Variants in FAM234B observed in about 807,000 individuals in gnomAD.
The protein encoded by FAM234B is family with sequence similarity 234 member B.
A neutral mutation model predicts 69.3 loss-of-function variants in FAM234B; 33 were observed. The ratio of observed to expected loss-of-function variants is 0.48; its 90% CI spans 0.36 to 0.64. The LOEUF (loss-of-function observed/expected upper bound fraction) is 0.64, where lower values mean the gene tolerates loss of function less well. FAM234B is among the 30% of genes least tolerant of loss of function. The pLI is 0.00. For missense variants in FAM234B, 697 were observed against 769.7 expected, an observed-to-expected ratio of 0.91 and a Z score of 1.12; for synonymous variants, 306 against 306.9, an observed-to-expected ratio of 1.00 and a Z score of 0.03.
intron 9 of FAM234B, among the ~76,000 whole-genome samples, chr12:13,070,070 A>C (rs1037396166): frequency 6.6e-6 from 1 of 151,832 alleles, no homozygotes; most frequent in Admixed American, 6.6e-5. Flanking sequence ...AATCTTGCCT[A>C]GCTGCAGTTT....
At chr12:13,060,630 A>G (rs933198231) in intron 3 of FAM234B, among the ~76,000 whole-genome samples, 4 of 152,200 alleles carry the variant, frequency 2.6e-5, no homozygotes, top group African/African-American at 9.6e-5. Context: ...ACAGCCAGCC[A>G]TTGTTTGTCA....
chr12:13,066,979 G>A (rs1187032714), intron 6 of FAM234B, 176 bp from the exon 7 acceptor site: 4 of 914,042 alleles, frequency 4.4e-6, no homozygotes, highest in African/African-American at 1.7e-5. Context: ...CTCCTCTGAA[G>A]GGAAGACTCT....
At chr12:13,047,107 A>T (rs559841899) in intron 1 of FAM234B, among the ~76,000 whole-genome samples, 3 of 152,318 alleles carry the variant, frequency 2.0e-5, no homozygotes, top group African/African-American at 7.2e-5. Flanking sequence ...TTGATGTAAT[A>T]GTGAGCTATT....
At chr12:13,066,888 C>T (rs1865045113) in intron 6 of FAM234B, 101 bp downstream of exon 6, 1 of 1,332,684 alleles carries the variant, frequency 7.5e-7, no homozygotes. Flanking sequence ...CTGACACCAG[C>T]CTTCCCATAG....
At chr12:13,064,329 T>C (rs761424025) in intron 5 of FAM234B, among the ~76,000 whole-genome samples, 3 of 152,232 alleles carry the variant, frequency 2.0e-5, no homozygotes, top group Non-Finnish European at 4.4e-5. Context: ...CTAGGGAAAA[T>C]TTGAATTATT....
intron 1 of FAM234B, among the ~76,000 whole-genome samples, chr12:13,045,981 T>C (rs967378231): frequency 6.6e-6 from 1 of 152,176 alleles, no homozygotes; most frequent in African/African-American, 2.4e-5. Flanking sequence ...TATTACTCCC[T>C]GGAGTATTAG....
chr12:13,045,539 G>A (rs1864798444), intron 1 of FAM234B, among the ~76,000 whole-genome samples: 2 of 152,190 alleles, frequency 1.3e-5, no homozygotes, highest in African/African-American at 4.8e-5. Flanking sequence ...ATGCTACCCT[G>A]AAGCGAACCT....
chr12:13,048,126 C>A (rs753942296), intron 1 of FAM234B, among the ~76,000 whole-genome samples: 2 of 152,168 alleles, frequency 1.3e-5, no homozygotes, highest in African/African-American at 4.8e-5. Context: ...TAACTCAGAG[C>A]GCTTGTGTGC....
rs1865245355 is a variant in FAM234B at position 13,082,403 on chromosome 12, C to T, written c.*1773C>T. ...GTTGGTAGCAGTAGATCCAAGCATG[C>T]ATGTTGCCTGGCCTGTAGATTGGCC... On this transcript the variant is annotated 3_prime_UTR_variant, in exon 13 of 13. Transcript: ENST00000197268. 1 of 152,200 alleles carries T rather than the reference C, an allele frequency of 6.6e-6. No homozygotes were observed. Among genetic ancestry groups the T allele is most frequent in the South Asian group, 2.1e-4 (1 of 4,832 alleles). 9.4% of individuals were successfully genotyped at this position (152,200 alleles called of 1,614,324 possible).
intron 2 of FAM234B, among the ~76,000 whole-genome samples, chr12:13,057,061 T>C (rs1005861896): frequency 2.7e-4 from 41 of 151,428 alleles, no homozygotes; most frequent in Admixed American, 2.6e-3. Flanking sequence ...TACTGCAGGC[T>C]TCACCTCCCG....
chr12:13,049,121 A>G (rs1864845295), intron 1 of FAM234B, among the ~76,000 whole-genome samples: 1 of 152,234 alleles, frequency 6.6e-6, no homozygotes, highest in African/African-American at 2.4e-5. Context: ...CAGCTTCCTC[A>G]TCTTGAAAGT....
intron 11 of FAM234B, among the ~76,000 whole-genome samples, chr12:13,079,042 T>G (rs902942299): frequency 2.6e-5 from 4 of 151,852 alleles, no homozygotes; most frequent in African/African-American, 9.7e-5. Flanking sequence ...AAAACTACTT[T>G]AAAGTTCATA....
intron 4 of FAM234B, 187 bp from the exon 5 acceptor site, chr12:13,062,658 A>T (rs1367999541): frequency 5.8e-6 from 3 of 520,380 alleles, no homozygotes; most frequent in Admixed American, 3.5e-5. Flanking sequence ...CAGATACTTT[A>T]GGATTCGGAT....
chr12:13,076,104 G>A lies in FAM234B; in HGVS notation c.1603G>A (p.Asp535Asn), dbSNP rs1865157857. Residue 535 changes from aspartate (D) to asparagine (N), a missense_variant, in exon 11 of 13, where the codon GAT (aspartate) becomes AAT (asparagine). Transcript: ENST00000197268. The part of the protein sequence containing the change: ...LHPAFPSILL[D>N]LANTTGTVTA... Reference sequence around the variant, plus strand: ...TCCTGCGTTCCCCTCCATCCTTCTGGATCTGGCCAACACCACCGGCACAGT... The same window carrying A: ...TCCTGCGTTCCCCTCCATCCTTCTGAATCTGGCCAACACCACCGGCACAGT... 3.1e-6 allele frequency: 5 copies of A among 1,614,102 alleles called. No individual in the cohort carries two copies. Among genetic ancestry groups the A allele is most frequent in the Non-Finnish European group, 4.2e-6 (5 of 1,180,012 alleles).
chr12:13,059,186 C>T (rs1475957981), intron 3 of FAM234B, among the ~76,000 whole-genome samples: 3 of 152,188 alleles, frequency 2.0e-5, no homozygotes, highest in Admixed American at 2.0e-4. Context: ...GCTCCCTCCC[C>T]GCCGGGGTCA....
intron 11 of FAM234B, among the ~76,000 whole-genome samples, chr12:13,078,519 G>T (rs896971986): frequency 2.6e-5 from 4 of 152,188 alleles, no homozygotes; most frequent in African/African-American, 9.7e-5. Flanking sequence ...ATTCAACATA[G>T]TGTTGGAAGT....
At chr12:13,045,738 G>A (rs1864802838) in intron 1 of FAM234B, among the ~76,000 whole-genome samples, 1 of 152,094 alleles carries the variant, frequency 6.6e-6, no homozygotes, top group Non-Finnish European at 1.5e-5. Context: ...TTACCTGCAG[G>A]ATTAATTTTT....
rs1864928322 is a variant in FAM234B, at chr12:13,056,080, G to A, written c.433+134G>A. 7.8e-6 allele frequency: 7 copies of A among 892,774 alleles called. No individual in the cohort carries two copies. The South Asian group carries it at 1.7e-4, about 22-fold the overall frequency. The allele number at this position is 892,774 out of a possible 1,614,324, so 55.3% of individuals were successfully genotyped here. A position where few individuals can be genotyped will look rare whatever the true frequency, so the allele number is the denominator to read the frequency against. ...CCCACCCTGCCGTCCCCACTGTGTGGAGGTGGCAAGGAGATTAAGATTTGA... is the reference window on the plus strand; with the variant it reads ...CCCACCCTGCCGTCCCCACTGTGTGAAGGTGGCAAGGAGATTAAGATTTGA... On this transcript the variant is annotated intron_variant, in intron 2 of 12. Coordinates refer to ENST00000197268, the MANE Select transcript of FAM234B (RefSeq NM_020853.2).
chr12:13,058,620 C>T, intron 3 of FAM234B, 71 bp downstream of exon 3: 2 of 1,296,990 alleles, frequency 1.5e-6, no homozygotes, highest in African/African-American at 1.5e-5. Context: ...AGAGCTGTGT[C>T]CCAAGTGGTA....
Sources: allele counts gnomAD v4.1 joint callset (sites outside exome capture counted in the v4.1 genomes callset), GRCh38; gene constraint gnomAD v4.1.1; transcripts MANE v1.5; gene names NCBI Gene and HGNC (gene_info 2026-07-23, HGNC 2026-07-21).